The following WDFY2 variants were observed in gnomAD, a reference collection of about 807,000 sequenced individuals.
WDFY2 encodes WD repeat and FYVE domain containing 2, also known as WD repeat and FYVE domain-containing protein 2.
WDFY2 carries 36 observed loss-of-function variants against 56.4 expected under a neutral mutation model. That is an observed-to-expected ratio of 0.64 (90% confidence interval 0.49 to 0.84). The LOEUF is 0.84. Among genes scored for constraint, WDFY2 ranks in the 40% least tolerant of loss-of-function variants. The pLI is 0.00. For synonymous variants in WDFY2, 176 were observed against 183.7 expected (o/e 0.96, Z 0.34); for missense variants, 444 against 512.2 (o/e 0.87, Z 1.29).
At chr13:51,652,381 AT>A (rs1955408835) in intron 1 of WDFY2, among the ~76,000 whole-genome samples, 1 of 152,188 alleles carries the variant, frequency 6.6e-6, no homozygotes, top group Admixed American at 6.5e-5. Flanking sequence ...GTGTCTTTTA[AT>A]TGGAGCATTT....
In WDFY2 at chr13:51,636,766, A is replaced by T. The variant is rs573657102; in HGVS notation, c.138-23830A>T. Among the ~76,000 whole-genome samples, 9 of 152,326 alleles carry T rather than the reference A, an allele frequency of 5.9e-5. No individual in the cohort carries two copies. In the South Asian group the frequency reaches 1.9e-3, roughly 32 times the overall value. On this transcript the variant is annotated intron_variant, in intron 1 of 11. Coordinates refer to ENST00000298125, the MANE Select transcript of WDFY2 (RefSeq NM_052950.4). ...TAGACAAATAGGTCAGTGGAACAGG[A>T]TAGAGTCCAGAAAGGGACCCACGTT... is the stretch of plus-strand genomic sequence containing the variant.
intron 3 of WDFY2, among the ~76,000 whole-genome samples, chr13:51,690,557 G>T (rs1290472485): frequency 1.3e-5 from 2 of 151,856 alleles, no homozygotes; most frequent in Non-Finnish European, 2.9e-5. Context: ...AGTATTCCAT[G>T]GTGTATATGT....
chr13:51,692,578 C>CTG (rs1951764845), intron 3 of WDFY2, among the ~76,000 whole-genome samples: 2 of 152,166 alleles, frequency 1.3e-5, no homozygotes, highest in African/African-American at 4.8e-5. Flanking sequence ...TTTCGATGTG[C>CTG]TGCTGGATTC....
intron 6 of WDFY2, among the ~76,000 whole-genome samples, chr13:51,735,379 A>G (rs187170312): frequency 1.3e-5 from 2 of 152,306 alleles, no homozygotes; most frequent in Admixed American, 1.3e-4. Flanking sequence ...ACCAAGTTCA[A>G]TATAGTGGGG....
chr13:51,604,705 C>G (rs1245790605), intron 1 of WDFY2, among the ~76,000 whole-genome samples: 1 of 152,216 alleles, frequency 6.6e-6, no homozygotes, highest in Non-Finnish European at 1.5e-5. Context: ...TGGCTAATGG[C>G]TACCATACTG....
At position 51,727,735 on chromosome 13, in the gene WDFY2, C is replaced by G; in HGVS notation, c.543C>G (p.Ile181Met). The G allele has an allele frequency of 6.2e-7, 1 of 1,614,162 alleles. No individual in the cohort carries two copies. The highest frequency in any genetic ancestry group is 8.5e-7 in the Non-Finnish European group (1 of 1,180,040). Residue 181 changes from isoleucine to methionine, a missense_variant, in exon 6 of 12, where the codon ATC becomes ATG. Transcript: ENST00000298125. The part of the protein sequence containing the change: ...FIGDHSGQVT[I>M]LKLEQENCTL... ...GTGACCACTCAGGCCAAGTAACAAT[C>G]CTCAAACTGGAGCAAGAAAACTGCA...
intron 1 of WDFY2, among the ~76,000 whole-genome samples, chr13:51,623,454 G>A (rs1287421750): frequency 6.6e-6 from 1 of 152,080 alleles, no homozygotes; most frequent in Non-Finnish European, 1.5e-5. Context: ...CTAATTCATA[G>A]CAGTTGTGAG....
intron 1 of WDFY2, among the ~76,000 whole-genome samples, chr13:51,617,739 G>T (rs940327933): frequency 3.9e-5 from 6 of 152,110 alleles, no homozygotes; most frequent in Admixed American, 2.6e-4. Context: ...TTAGTAAAAT[G>T]GTGAGTTAAA....
chr13:51,652,320 G>C (rs369439641), intron 1 of WDFY2, among the ~76,000 whole-genome samples: 20 of 152,154 alleles, frequency 1.3e-4, no homozygotes, highest in South Asian at 1.2e-3. Flanking sequence ...GATGGGTTTC[G>C]TGAATACAGC....
chr13:51,634,006 T>G (rs1955000993), intron 1 of WDFY2, among the ~76,000 whole-genome samples: 1 of 152,208 alleles, frequency 6.6e-6, no homozygotes, highest in Non-Finnish European at 1.5e-5. Context: ...ACAGGTTGCC[T>G]GGGTTTGAAT....
chr13:51,726,710 C>A (rs1026283837), intron 5 of WDFY2, among the ~76,000 whole-genome samples: 1 of 152,192 alleles, frequency 6.6e-6, no homozygotes, highest in African/African-American at 2.4e-5. Flanking sequence ...CTTCGTAAGC[C>A]GACTTTCAGA....
intron 1 of WDFY2, among the ~76,000 whole-genome samples, chr13:51,596,699 C>G (rs1954157446): frequency 6.6e-6 from 1 of 152,074 alleles, no homozygotes; most frequent in Non-Finnish European, 1.5e-5. Flanking sequence ...GAACATACAC[C>G]ACAACGATTT....
chr13:51,733,665 T>C (rs1032907951), intron 6 of WDFY2, among the ~76,000 whole-genome samples: 1 of 152,140 alleles, frequency 6.6e-6, no homozygotes, highest in Non-Finnish European at 1.5e-5. Context: ...CTGACTTTGT[T>C]TGGACTGGGG....
intron 1 of WDFY2, among the ~76,000 whole-genome samples, chr13:51,602,059 A>C (rs9563066): frequency 0.083 from 12,695 of 152,260 alleles, 827 homozygotes; most frequent in East Asian, 0.29. Flanking sequence ...TATTAGGAAA[A>C]GCTATGCATT....
At chr13:51,674,174 A>G (rs1420284880) in intron 2 of WDFY2, among the ~76,000 whole-genome samples, 1 of 152,186 alleles carries the variant, frequency 6.6e-6, no homozygotes, top group Non-Finnish European at 1.5e-5. Context: ...TACCCGTGAA[A>G]AGTAGGAATA....
chr13:51,677,979 A>T (rs562391526), intron 3 of WDFY2, among the ~76,000 whole-genome samples: 3 of 152,182 alleles, frequency 2.0e-5, no homozygotes, highest in Non-Finnish European at 4.4e-5. Flanking sequence ...AAAGATAATG[A>T]GGTGAGAGTA....
chr13:51,721,147 C>G (rs1236736213), intron 5 of WDFY2, among the ~76,000 whole-genome samples: 3 of 152,164 alleles, frequency 2.0e-5, no homozygotes, highest in African/African-American at 7.2e-5. Context: ...TCAGTCTACA[C>G]TACCCTCATT....
chr13:51,731,123 C>CA (rs1396476225), intron 6 of WDFY2, among the ~76,000 whole-genome samples: 1 of 152,192 alleles, frequency 6.6e-6, no homozygotes, highest in Non-Finnish European at 1.5e-5. Flanking sequence ...AGGTAGGATT[C>CA]AGAGGTGCAT....
At chr13:51,648,187 A>G (rs138688100) in intron 1 of WDFY2, among the ~76,000 whole-genome samples, 5 of 152,342 alleles carry the variant, frequency 3.3e-5, no homozygotes, top group African/African-American at 1.2e-4. Context: ...CCTGCCCGTC[A>G]GTATTTCTTT....
Sources: allele counts gnomAD v4.1 joint callset (sites outside exome capture counted in the v4.1 genomes callset), GRCh38; gene constraint gnomAD v4.1.1; transcripts MANE v1.5; gene names NCBI Gene and HGNC (gene_info 2026-07-23, HGNC 2026-07-21).